PAK4: variants seen among roughly 807,000 people sequenced by gnomAD.
PAK4 encodes p21 (RAC1) activated kinase 4.
In PAK4, 49 loss-of-function variants were observed where a neutral mutation model predicts 53.5. The ratio of observed to expected loss-of-function variants is 0.92; its 90% CI spans 0.73 to 1.16. The LOEUF is 1.16. PAK4 is among the 50% of genes most tolerant of loss of function. PAK4 has a pLI of 0.00. For synonymous variants in PAK4, 376 were observed against 375.6 expected (o/e 1.00, Z -0.01); for missense variants, 824 against 850.7 (o/e 0.97, Z 0.39).
chr19:39,178,303 G>A lies in PAK4; in HGVS notation c.1621-121G>A, dbSNP rs538704080. The A allele has an allele frequency of 8.0e-5, 81 of 1,018,790 alleles. No homozygotes were observed. The African/African-American group carries it at 1.0e-3, about 13-fold the overall frequency. 63.1% of individuals were successfully genotyped at this position (1,018,790 alleles called of 1,614,324 possible). On this transcript the variant is annotated intron_variant, in intron 8 of 8. Transcript: ENST00000358301. This position sits in a 1 kb window ranked among gnomAD's most constrained non-coding sequence, Gnocchi z 4.4. ...CAAGATCTAGACACCCATGACCTCC[G>A]CCCCCTGCCCTCCTGCACAGTACAT... is the stretch of plus-strand genomic sequence containing the variant.
intron 2 of PAK4, among the ~76,000 whole-genome samples, chr19:39,170,122 G>A (rs1416129550): frequency 6.6e-6 from 1 of 152,170 alleles, no homozygotes; most frequent in Non-Finnish European, 1.5e-5. Flanking sequence ...TCCTGGCAGT[G>A]GAAGACAGAC....
chr19:39,169,269 GT>G (rs775740597), intron 1 of PAK4, among the ~76,000 whole-genome samples: 2 of 152,070 alleles, frequency 1.3e-5, no homozygotes, highest in Non-Finnish European at 2.9e-5. Flanking sequence ...GAACAGAGAG[GT>G]GATGGGGCCT....
intron 1 of PAK4, among the ~76,000 whole-genome samples, chr19:39,140,671 C>T (rs1420667824): frequency 6.6e-6 from 1 of 152,182 alleles, no homozygotes; most frequent in Non-Finnish European, 1.5e-5. Context: ...TGTCCCCACT[C>T]ACTGAGGGAT....
intron 1 of PAK4, among the ~76,000 whole-genome samples, chr19:39,153,904 CCAT>C (rs1051311681): frequency 5.3e-5 from 8 of 152,122 alleles, no homozygotes; most frequent in African/African-American, 1.9e-4. Context: ...ACTTTTGAGG[CCAT>C]CATATGCTTG....
intron 4 of PAK4, 73 bp from the exon 6 acceptor site, chr19:39,174,858 G>T (rs756117611): frequency 1.9e-6 from 3 of 1,575,064 alleles, no homozygotes; most frequent in African/African-American, 1.3e-5. Flanking sequence ...GGGAGCCAGG[G>T]GGGTGGCGGT....
At chr19:39,135,989 C>T (rs528428980) in intron 1 of PAK4, among the ~76,000 whole-genome samples, 1 of 150,260 alleles carries the variant, frequency 6.7e-6, no homozygotes, top group African/African-American at 2.4e-5. Flanking sequence ...CTTGTCACTC[C>T]CCTTCCTCGT....
chr19:39,174,054 C>G, intron 4 of PAK4, 44 bp downstream of exon 5: 3 of 1,235,200 alleles, frequency 2.4e-6, no homozygotes, highest in South Asian at 2.9e-5. Flanking sequence ...CCTCCCACCC[C>G]TCCCTCCCAC....
intron 1 of PAK4, among the ~76,000 whole-genome samples, chr19:39,138,187 T>C (rs1238498797): frequency 6.6e-6 from 1 of 152,056 alleles, no homozygotes; most frequent in East Asian, 1.9e-4. Context: ...GGGGTTTCAC[T>C]ATGTTGGCCA....
chr19:39,169,614 G>A lies in PAK4; in HGVS notation c.61G>A (p.Val21Met), dbSNP rs146583353. 7.4e-6 allele frequency: 12 copies of A among 1,613,688 alleles called. No homozygotes were observed. Among genetic ancestry groups the A allele is most frequent in the Admixed American group, 1.7e-5 (1 of 59,988 alleles). The change falls in exon 2 of 9, where the codon GTG becomes ATG. Residue 21 changes from valine to methionine, a missense_variant. Val to Met is a conservative substitution (Grantham distance 21). This residue lies in a region of PAK4 where 478 missense variants were observed against 435.8 expected (regional missense o/e 1.10). Coordinates refer to ENST00000358301, the Ensembl canonical transcript of PAK4. ...CGCGCCGTCCAACTTCGAGCACCGC[G>A]TGCACACGGGCTTCGACCAGCACGA...
At chr19:39,172,508 G>A (rs1168925283) in intron 2 of PAK4, among the ~76,000 whole-genome samples, 1 of 152,112 alleles carries the variant, frequency 6.6e-6, no homozygotes, top group Non-Finnish European at 1.5e-5. Flanking sequence ...GCGCCCACAT[G>A]GGAGGAAGTG....
intron 1 of PAK4, among the ~76,000 whole-genome samples, chr19:39,157,218 TC>T (rs1227877330): frequency 6.6e-6 from 1 of 150,502 alleles, no homozygotes. Context: ...GGTTTTGGGG[TC>T]GGGGGGGTGC....
In PAK4 at chr19:39,173,483, T is replaced by A; in HGVS notation, c.664-93T>A. On this transcript the variant is annotated intron_variant, in intron 3 of 8. Coordinates refer to ENST00000358301, the Ensembl canonical transcript of PAK4. This position sits in a 1 kb window ranked among gnomAD's most constrained non-coding sequence, Gnocchi z 6.9. ...CCGTGCATCTCATCCTGACCACCCA[T>A]GTGTCTGTCCCATCGCTGGGTCTCT... is the stretch of plus-strand genomic sequence containing the variant. 1.5e-6 allele frequency: 2 copies of A among 1,324,344 alleles called. No individual in the cohort carries two copies. Among genetic ancestry groups the A allele is most frequent in the Non-Finnish European group, 2.1e-6 (2 of 974,246 alleles). 82.0% of individuals were successfully genotyped at this position (1,324,344 alleles called of 1,614,324 possible).
intron 1 of PAK4, among the ~76,000 whole-genome samples, chr19:39,155,061 G>A (rs1382446767): frequency 2.6e-5 from 4 of 152,204 alleles, no homozygotes; most frequent in Non-Finnish European, 2.9e-5. Context: ...GCCAGAGCAG[G>A]GTAGTGGGAA....
At chr19:39,150,015 G>A (rs896244308) in intron 1 of PAK4, among the ~76,000 whole-genome samples, 4 of 152,088 alleles carry the variant, frequency 2.6e-5, no homozygotes, top group Non-Finnish European at 5.9e-5. Context: ...GGTGGTGATG[G>A]TTATACAACA....
chr19:39,146,829 GCT>G (rs2074005546), intron 1 of PAK4, among the ~76,000 whole-genome samples: 1 of 151,454 alleles, frequency 6.6e-6, no homozygotes. Flanking sequence ...CAGAATTAAG[GCT>G]CTGTTGCAAA....
At chr19:39,139,491 T>C (rs2073875668) in intron 1 of PAK4, among the ~76,000 whole-genome samples, 1 of 152,130 alleles carries the variant, frequency 6.6e-6, no homozygotes, top group African/African-American at 2.4e-5. Flanking sequence ...AGTTTGCGAA[T>C]GGGGAGGGGA....
intron 1 of PAK4, among the ~76,000 whole-genome samples, chr19:39,160,198 A>G (rs1288217847): frequency 1.3e-5 from 2 of 152,102 alleles, no homozygotes; most frequent in African/African-American, 4.8e-5. Context: ...GAGTGAGTGT[A>G]CGAGGCCCAG....
At chr19:39,131,701 C>T (rs1369619256) in intron 1 of PAK4, among the ~76,000 whole-genome samples, 1 of 152,212 alleles carries the variant, frequency 6.6e-6, no homozygotes, top group Non-Finnish European at 1.5e-5. Context: ...TCCTGGGACC[C>T]TCCGGTCCTG....
intron 2 of PAK4, among the ~76,000 whole-genome samples, chr19:39,171,271 G>T (rs1028023310): frequency 4.0e-5 from 6 of 150,246 alleles, no homozygotes; most frequent in African/African-American, 1.5e-4. Flanking sequence ...GTGCAGTGGC[G>T]CCACCTCGGC....
Sources: allele counts gnomAD v4.1 joint callset (sites outside exome capture counted in the v4.1 genomes callset), GRCh38; gene constraint gnomAD v4.1.1; regional missense constraint gnomAD v4.1.1; non-coding constraint Gnocchi (gnomAD v3.1); transcripts MANE v1.5; gene names NCBI Gene and HGNC (gene_info 2026-07-23, HGNC 2026-07-21).